POLE: variants seen among roughly 807,000 people sequenced by gnomAD.
The protein encoded by POLE is DNA polymerase epsilon catalytic subunit A.
POLE carries 188 observed loss-of-function variants against 279.2 expected under a neutral mutation model. The observed-to-expected ratio is 0.67, with a 90% CI of 0.60 to 0.76. POLE has a LOEUF of 0.76. Among genes scored for constraint, POLE ranks in the 30% least tolerant of loss-of-function variants. POLE has a pLI of 0.00. For synonymous variants in POLE, 1,214 were observed against 1,172.5 expected (o/e 1.04, Z -0.72); for missense variants, 2,703 against 3,016.7 (o/e 0.90, Z 2.44).
rs372240734 is a variant in POLE at position 132,668,357 on chromosome 12, C to G, written c.2172G>C (p.Ala724=). ...EQAKYEKRRL[A]DYCRKAYKKI... is the part of the protein sequence containing the mutation. ...CCGTGACCATGCCCAGGCACTCACC[C>G]GCCAGCCTTCTCTTCTCGTATTTCG... The change falls in exon 19 of 49, where the codon GCG becomes GCC. Residue 724 remains alanine, a splice_region_variant and synonymous_variant. Transcript: ENST00000320574. This position sits in a 1 kb window ranked among gnomAD's most constrained non-coding sequence, Gnocchi z 4.0. 3.2e-6 allele frequency: 5 copies of G among 1,568,268 alleles called. No homozygotes were observed. Among genetic ancestry groups the G allele is most frequent in the Non-Finnish European group, 4.3e-6 (5 of 1,155,980 alleles).
Position 132,653,662 on chromosome 12 carries a change from C to A in POLE, c.3582+3474G>T, listed in dbSNP as rs540920245. On this transcript the variant is annotated intron_variant, in intron 29 of 48. Transcript: ENST00000320574. ...ATGTCTCCCTTTTCAATCCTTAATT[C>A]TTTTTCTGGTTTAATTATGCTGGCT... Among the ~76,000 whole-genome samples the A allele has an allele frequency of 6.6e-4, 101 of 152,230 alleles. 3 individuals are homozygous for A. The highest frequency in any genetic ancestry group is 1.5e-4 in the Non-Finnish European group (10 of 67,994).
At position 132,658,158 on chromosome 12, in the gene POLE, A is replaced by T. The variant is rs74778806; in HGVS notation, c.3276-188T>A. 4.7e-4 allele frequency: 186 copies of T among 396,972 alleles called. 10 individuals are homozygous for T. Among genetic ancestry groups the T allele is most frequent in the South Asian group, 4.2e-3 (122 of 29,212 alleles). The allele number at this position is 396,972 out of a possible 1,614,324, so 24.6% of individuals were successfully genotyped here. ...GTTCCTCGGGGAGTAACACGTGCGT[A>T]TGTGTAAACACGTGCGTGTGTGCAC... On this transcript the variant is annotated intron_variant, in intron 26 of 48. Coordinates refer to ENST00000320574, the MANE Select transcript of POLE (RefSeq NM_006231.4).
Position 132,677,419 on chromosome 12 carries a change from G to A in POLE, c.745C>T (p.Arg249Ter), listed in dbSNP as rs769190256. Residue 249 changes from arginine (R) to a stop codon, truncating the protein, a stop_gained, in exon 8 of 49, where the codon CGA becomes TGA. Transcript: ENST00000320574. LOFTEE classifies it high-confidence loss of function. ...HVAHWYNVRY[R>*]GNAFPVEITR... Reference sequence around the variant, plus strand: ...ATTTCTACCGGAAAAGCATTTCCTCGGTATCTGACATTGTACCAATGAGCC... The same window carrying A: ...ATTTCTACCGGAAAAGCATTTCCTCAGTATCTGACATTGTACCAATGAGCC... 16 of 1,613,814 alleles carry A rather than the reference G, an allele frequency of 9.9e-6. No individual in the cohort carries two copies. Among genetic ancestry groups the A allele is most frequent in the East Asian group, 6.7e-5 (3 of 44,896 alleles).
intron 39 of POLE, among the ~76,000 whole-genome samples, chr12:132,640,545 C>A (rs1002107061): frequency 6.6e-6 from 1 of 152,266 alleles, no homozygotes. Context: ...GCACTGTACA[C>A]GCCCTGTCTG....
intron 25 of POLE, chr12:132,659,716 A>AGGCTG: frequency 1.8e-6 from 1 of 555,298 alleles, no homozygotes; most frequent in Non-Finnish European, 3.2e-6. Flanking sequence ...TTTTTGAGAC[A>AGGCTG]GAGTCTCATT....
At chr12:132,667,370 A>G in intron 20 of POLE, 133 bp downstream of exon 20, 3 of 936,464 alleles carry the variant, frequency 3.2e-6, no homozygotes, top group Non-Finnish European at 4.9e-6. Context: ...CAAGTCAAAA[A>G]CAATTGCACG....
intron 45 of POLE, among the ~76,000 whole-genome samples, chr12:132,629,070 T>C (rs545076718): frequency 2.0e-5 from 3 of 152,344 alleles, no homozygotes; most frequent in East Asian, 3.9e-4. Flanking sequence ...ATAATAAACG[T>C]TGAAAGTCGA....
chr12:132,659,073 A>G (rs1383529324), intron 26 of POLE, among the ~76,000 whole-genome samples: 1 of 152,210 alleles, frequency 6.6e-6, no homozygotes, highest in African/African-American at 2.4e-5. Flanking sequence ...CATTCCCTAC[A>G]AAATGGCAAT....
chr12:132,658,881 C>CAAAAAAAAAA lies in POLE; in HGVS notation c.3275+404_3275+413dup, dbSNP rs1167117347. On this transcript the variant is annotated intron_variant, in intron 26 of 48. Coordinates refer to ENST00000320574, the MANE Select transcript of POLE (RefSeq NM_006231.4). Reference sequence around the variant, plus strand: ...ACTGGTCCTATTTGTATATAACCACCAAAAAAAAAAAAAAAAAAAAAAAAA... The same window carrying CAAAAAAAAAA: ...ACTGGTCCTATTTGTATATAACCACCAAAAAAAAAAAAAAAAAAAAAAAAAAAAAAAAAAA... Among the ~76,000 whole-genome samples, 121 of 33,828 alleles carry CAAAAAAAAAA rather than the reference C, an allele frequency of 3.6e-3. 28 individuals carry two copies. The highest frequency in any genetic ancestry group is 8.5e-3 in the African/African-American group (83 of 9,772). 22.2% of individuals were successfully genotyped at this position (33,828 alleles called of 152,430 possible). A position where few individuals can be genotyped will look rare whatever the true frequency, so the allele number is the denominator to read the frequency against.
intron 43 of POLE, chr12:132,633,044 A>G (rs1485563717): frequency 2.4e-6 from 1 of 416,424 alleles, no homozygotes; most frequent in Admixed American, 4.2e-5. Context: ...GGCCATGTAC[A>G]CTAAGCCTCT....
At chr12:132,669,646 G>C (rs1255257072) in intron 16 of POLE, among the ~76,000 whole-genome samples, 1 of 152,148 alleles carries the variant, frequency 6.6e-6, no homozygotes, top group Non-Finnish European at 1.5e-5. Context: ...AATCAGCCGG[G>C]GAAGAGCCTC....
At position 132,641,738 on chromosome 12, in the gene POLE, G is replaced by A. The variant is rs369742417; in HGVS notation, c.5287C>T (p.Gln1763Ter). 3 of 1,612,512 alleles carry A rather than the reference G, an allele frequency of 1.9e-6. No individual in the cohort carries two copies. Among genetic ancestry groups the A allele is most frequent in the Non-Finnish European group, 2.5e-6 (3 of 1,179,978 alleles). ...GTGATCATGTCCTCCAGGGAGGCCTGCTGGATCACGTCGAAGCTGATCCCC... is the reference window on the plus strand; with the variant it reads ...GTGATCATGTCCTCCAGGGAGGCCTACTGGATCACGTCGAAGCTGATCCCC... ...SMGISFDVIQ[Q>*]ASLEDMITGG... The change falls in exon 39 of 49, where the codon CAG (glutamine) becomes TAG (stop). Residue 1763 changes from glutamine to a stop codon, truncating the protein, a stop_gained. Coordinates refer to ENST00000320574, the MANE Select transcript of POLE (RefSeq NM_006231.4). LOFTEE classifies it high-confidence loss of function.
At position 132,646,474 on chromosome 12, in the gene POLE, G is replaced by GTA. The variant is rs1427386044; in HGVS notation, c.4149+2453_4149+2454dup. 2.7e-5 allele frequency among the ~76,000 whole-genome samples: 4 copies of GTA among 150,440 alleles called. No homozygotes were observed. The South Asian group carries it at 8.4e-4, about 32-fold the overall frequency. ...AACTGTGATGGTTAAGTGAAGTAAT[G>GTA]TATAGCAGGTCCTCAAATAACATCA... On this transcript the variant is annotated intron_variant, in intron 32 of 48. Transcript: ENST00000320574.
In POLE at chr12:132,642,798, GCAAGACCC is replaced by G. The variant is rs1311664292; in HGVS notation, c.4728+14_4728+21del. 6.2e-7 allele frequency: 1 copy of G among 1,613,538 alleles called. No individual in the cohort carries two copies. The highest frequency in any genetic ancestry group is 8.5e-7 in the Non-Finnish European group (1 of 1,179,832). Reference sequence around the variant, plus strand: ...CCTCAAAGAAGATGGGGCTCACACAGCAAGACCCCAACCACTCTCACCTTGTAGGCGAG... The same window carrying G: ...CCTCAAAGAAGATGGGGCTCACACAGCAACCACTCTCACCTTGTAGGCGAG... On this transcript the variant is annotated intron_variant, in intron 36 of 48. Transcript: ENST00000320574.
chr12:132,671,364 G>A (rs1038401469), intron 16 of POLE, among the ~76,000 whole-genome samples: 2 of 150,304 alleles, frequency 1.3e-5, no homozygotes, highest in African/African-American at 5.0e-5. Flanking sequence ...GTGCTGCACA[G>A]TGCCTGACAT....
chr12:132,653,033 T>C (rs911902625), intron 29 of POLE, among the ~76,000 whole-genome samples: 4 of 152,256 alleles, frequency 2.6e-5, no homozygotes, highest in Non-Finnish European at 5.9e-5. Flanking sequence ...TCCTTTCATC[T>C]GTAAAGATGG....
chr12:132,648,030 T>C (rs2042325931), intron 32 of POLE, among the ~76,000 whole-genome samples: 2 of 152,146 alleles, frequency 1.3e-5, no homozygotes, highest in South Asian at 4.1e-4. Flanking sequence ...ACGTGTCACT[T>C]CTTACGTGAT....
chr12:132,643,593 C>T (rs759585390), intron 33 of POLE, 33 bp from the exon 34 acceptor site: 1 of 1,612,690 alleles, frequency 6.2e-7, no homozygotes. Context: ...CCGGCAAGGG[C>T]TGGATGGTGG....
At chr12:132,632,082 G>A (rs926380874) in intron 45 of POLE, among the ~76,000 whole-genome samples, 1 of 152,042 alleles carries the variant, frequency 6.6e-6, no homozygotes, top group African/African-American at 2.4e-5. Context: ...CCTTGCACAC[G>A]CTGGCACCCT....
Sources: allele counts gnomAD v4.1 joint callset (sites outside exome capture counted in the v4.1 genomes callset), GRCh38; gene constraint gnomAD v4.1.1; non-coding constraint Gnocchi (gnomAD v3.1); transcripts MANE v1.5; gene names NCBI Gene and HGNC (gene_info 2026-07-23, HGNC 2026-07-21).